DOP1A: variants seen among roughly 807,000 people sequenced by gnomAD.
DOP1A encodes the protein protein DOP1A.
A neutral mutation model predicts 267.6 loss-of-function variants in DOP1A; 90 were observed. That is an observed-to-expected ratio of 0.34 (90% CI 0.28 to 0.40). DOP1A has a LOEUF of 0.40. DOP1A is among the 10% of genes least tolerant of loss of function. DOP1A has a pLI of 1.00. For missense variants in DOP1A, 2,437 were observed against 2,900.4 expected (o/e 0.84, Z 3.67); for synonymous variants, 932 against 999.1 (o/e 0.93, Z 1.27).
intron 17 of DOP1A, among the ~76,000 whole-genome samples, chr6:83,131,600 C>T (rs1778035296): frequency 6.6e-6 from 1 of 151,878 alleles, no homozygotes; most frequent in African/African-American, 2.4e-5. Context: ...CTTTACTAAA[C>T]ACCACTAAAT....
At chr6:83,153,645 T>A (rs770940104) in intron 31 of DOP1A, 25 bp downstream of exon 31, 4 of 1,514,988 alleles carry the variant, frequency 2.6e-6, no homozygotes, top group Non-Finnish European at 3.6e-6. Flanking sequence ...TAAATAGTTT[T>A]TAAAATTAAT....
Position 83,168,308 on chromosome 6 carries a change from A to C in DOP1A, c.*141A>C. On this transcript the variant is annotated 3_prime_UTR_variant, in exon 39 of 39. Coordinates refer to ENST00000349129, the MANE Select transcript of DOP1A (RefSeq NM_015018.4). Reference sequence around the variant, plus strand: ...GTATTTAATTTAAATATTTGTATATAAGAGCAAATGTCTGAATGTGGCCTG... The same window carrying C: ...GTATTTAATTTAAATATTTGTATATCAGAGCAAATGTCTGAATGTGGCCTG... The C allele has an allele frequency of 7.0e-7, 1 of 1,429,088 alleles. No homozygotes were observed. Among genetic ancestry groups the C allele is most frequent in the South Asian group, 1.6e-5 (1 of 64,398 alleles). 88.5% of individuals were successfully genotyped at this position (1,429,088 alleles called of 1,614,324 possible). A position where few individuals can be genotyped will look rare whatever the true frequency, so the allele number is the denominator to read the frequency against.
chr6:83,140,572 C>T (rs1001562439), intron 23 of DOP1A, among the ~76,000 whole-genome samples, 169 bp downstream of exon 23: 18 of 152,238 alleles, frequency 1.2e-4, no homozygotes, highest in Middle Eastern at 6.8e-3. Context: ...AGAATTTGCC[C>T]ATTTTTAAGT....
intron 4 of DOP1A, among the ~76,000 whole-genome samples, chr6:83,101,685 T>C (rs1772615998): frequency 1.3e-5 from 2 of 152,220 alleles, no homozygotes; most frequent in South Asian, 4.1e-4. Context: ...CACCTTCTTA[T>C]ATTTTCACTT....
rs545694999 is a variant in DOP1A at position 83,160,503 on chromosome 6, A to G, written c.6962+543A>G. ...GCTGTGTTAGAGAACTTGGACAGCT[A>G]AGGAAAGAAGTGATATTATTAGGCT... On this transcript the variant is annotated intron_variant, in intron 37 of 38. Coordinates refer to ENST00000349129, the MANE Select transcript of DOP1A (RefSeq NM_015018.4). Among the ~76,000 whole-genome samples, 61 of 152,352 alleles carry G rather than the reference A, an allele frequency of 4.0e-4. No homozygotes were observed. In the Middle Eastern group the frequency reaches 0.014, roughly 34 times the overall value.
intron 30 of DOP1A, among the ~76,000 whole-genome samples, chr6:83,153,221 AT>A (rs1782083806): frequency 6.6e-6 from 1 of 152,174 alleles, no homozygotes; most frequent in Non-Finnish European, 1.5e-5. Flanking sequence ...CTAGTACTAA[AT>A]TCACTGTTTA....
At chr6:83,170,378 T>C (rs369328277), downstream of DOP1A, 31 of 1,614,038 alleles carry the variant, frequency 1.9e-5, no homozygotes, top group Middle Eastern at 1.6e-4. Flanking sequence ...TCGAGAAAGC[T>C]TGTACTTCTT....
intron 10 of DOP1A, 109 bp downstream of exon 10, chr6:83,120,900 T>G: frequency 1.3e-6 from 1 of 758,982 alleles, no homozygotes; most frequent in Non-Finnish European, 1.9e-6. Context: ...GGCCTTTAAA[T>G]ATAAGTTCTC....
chr6:83,099,185 C>A (rs1772070597), intron 3 of DOP1A, among the ~76,000 whole-genome samples: 1 of 152,132 alleles, frequency 6.6e-6, no homozygotes, highest in African/African-American at 2.4e-5. Flanking sequence ...CCTACAGACA[C>A]ACTCTCACTC....
intron 38 of DOP1A, chr6:83,167,500 T>C: frequency 9.9e-7 from 1 of 1,005,256 alleles, no homozygotes; most frequent in Non-Finnish European, 1.2e-6. Flanking sequence ...TTTTGTGACC[T>C]AGTCCTTGGT....
chr6:83,155,586 A>G (rs1202731219), intron 33 of DOP1A, among the ~76,000 whole-genome samples: 2 of 152,212 alleles, frequency 1.3e-5, no homozygotes, highest in Non-Finnish European at 1.5e-5. Flanking sequence ...GACTTGAGGA[A>G]GGAGAGGTAG....
intron 38 of DOP1A, chr6:83,165,945 A>C (rs527844578): frequency 2.7e-6 from 1 of 368,228 alleles, no homozygotes; most frequent in African/African-American, 2.1e-5. Context: ...GCAGCAAACC[A>C]CCAAACAATG....
intron 1 of DOP1A, among the ~76,000 whole-genome samples, chr6:83,095,007 A>C (rs1028899139): frequency 4.6e-5 from 7 of 152,134 alleles, no homozygotes; most frequent in African/African-American, 1.7e-4. Flanking sequence ...ATCTTGGCTC[A>C]CTGCAGCCTC....
At chr6:83,070,381 A>ATC (rs1424222883) in intron 1 of DOP1A, among the ~76,000 whole-genome samples, 9 of 152,168 alleles carry the variant, frequency 5.9e-5, no homozygotes, top group Non-Finnish European at 1.0e-4. Flanking sequence ...TCTCCAAGCT[A>ATC]TCCAAGCCTG....
intron 1 of DOP1A, among the ~76,000 whole-genome samples, chr6:83,089,912 G>A (rs1770022833): frequency 6.6e-6 from 1 of 152,112 alleles, no homozygotes; most frequent in African/African-American, 2.4e-5. Flanking sequence ...CATCAAATAT[G>A]TGTATTAAAT....
chr6:83,095,498 G>T (rs1335296729), intron 1 of DOP1A, among the ~76,000 whole-genome samples: 1 of 152,122 alleles, frequency 6.6e-6, no homozygotes, highest in East Asian at 1.9e-4. Context: ...AGACCTTCCT[G>T]TAGGTCCGTG....
intron 1 of DOP1A, among the ~76,000 whole-genome samples, chr6:83,091,418 A>G: frequency 6.7e-6 from 1 of 150,182 alleles, no homozygotes; most frequent in Middle Eastern, 3.4e-3. Context: ...TTTGATATAA[A>G]CATATATCAA....
At chr6:83,142,852 C>T (rs572501767) in intron 24 of DOP1A, among the ~76,000 whole-genome samples, 135 of 152,030 alleles carry the variant, frequency 8.9e-4, no homozygotes, top group African/African-American at 3.2e-3. Context: ...AGTTTCAAAG[C>T]TCAAGAGAAA....
intron 9 of DOP1A, 142 bp downstream of exon 9, chr6:83,119,999 A>C: frequency 1.7e-6 from 1 of 582,326 alleles, no homozygotes; most frequent in South Asian, 2.6e-5. Context: ...AATTTTTATA[A>C]CAAGAAAATT....
Sources: allele counts gnomAD v4.1 joint callset (sites outside exome capture counted in the v4.1 genomes callset), GRCh38; gene constraint gnomAD v4.1.1; transcripts MANE v1.5; gene names NCBI Gene and HGNC (gene_info 2026-07-23, HGNC 2026-07-21).